Variants in POU6F2 observed in about 807,000 individuals in gnomAD.
POU6F2 encodes the protein POU class 6 homeobox 2.
Under a neutral mutation model 71.3 loss-of-function variants are expected in POU6F2, and 31 were observed. The observed-to-expected ratio is 0.43, with a 90% CI of 0.33 to 0.59. The LOEUF (loss-of-function observed/expected upper bound fraction) is 0.59. Ranked by LOEUF, POU6F2 falls within the 20% of genes least tolerant of loss-of-function variation. The pLI is 0.04. For synonymous variants in POU6F2, 347 were observed against 355.7 expected (o/e 0.98, Z 0.27); for missense variants, 783 against 856.8 (o/e 0.91, Z 1.07).
At chr7:39,019,408 G>A (rs765929866) in intron 1 of POU6F2, among the ~76,000 whole-genome samples, 15 of 152,060 alleles carry the variant, frequency 9.9e-5, no homozygotes, top group Non-Finnish European at 1.8e-4. Flanking sequence ...TTATAAGAAT[G>A]TTCTTAGATT....
chr7:39,222,168 A>G (rs1794377853), intron 4 of POU6F2, among the ~76,000 whole-genome samples: 1 of 152,226 alleles, frequency 6.6e-6, no homozygotes, highest in Non-Finnish European at 1.5e-5. Context: ...CATCAGACAT[A>G]TTTGCAAGGG....
At chr7:39,308,858 G>A (rs540009320) in intron 4 of POU6F2, among the ~76,000 whole-genome samples, 2 of 152,130 alleles carry the variant, frequency 1.3e-5, no homozygotes, top group African/African-American at 2.4e-5. Flanking sequence ...TTCCCCCTGC[G>A]GGTGCCAGGA....
chr7:39,025,951 A>G (rs911981816), intron 1 of POU6F2, among the ~76,000 whole-genome samples: 4 of 152,252 alleles, frequency 2.6e-5, no homozygotes, highest in Non-Finnish European at 5.9e-5. Context: ...ATATGAACAG[A>G]CACTTCTCAA....
At chr7:39,309,952 C>T (rs1350822111) in intron 4 of POU6F2, among the ~76,000 whole-genome samples, 2 of 152,116 alleles carry the variant, frequency 1.3e-5, no homozygotes, top group African/African-American at 4.8e-5. Flanking sequence ...CCTCAGTGCC[C>T]AGAGCTCCAT....
At chr7:39,244,961 A>G (rs1247216256) in intron 4 of POU6F2, among the ~76,000 whole-genome samples, 1 of 152,222 alleles carries the variant, frequency 6.6e-6, no homozygotes, top group East Asian at 1.9e-4. Flanking sequence ...TAATATTTCC[A>G]GAGGGATATG....
In POU6F2 at chr7:39,418,895, A is replaced by ATG. The variant is rs202230919; in HGVS notation, c.1113+12169_1113+12170dup. Among the ~76,000 whole-genome samples, 11 of 146,178 alleles carry ATG rather than the reference A, an allele frequency of 7.5e-5. 1 individual carries two copies. The highest frequency in any genetic ancestry group is 7.2e-3 in the Middle Eastern group (2 of 278). On this transcript the variant is annotated intron_variant, in intron 6 of 9. Transcript: ENST00000518318. The stretch of plus-strand genomic sequence containing the variant: ...ATTTCATAAATATAGTGCTCTCTTC[A>ATG]TGTGTGTGTGTGTGTATATATATAT...
At chr7:39,313,228 C>T (rs1447167551) in intron 4 of POU6F2, among the ~76,000 whole-genome samples, 1 of 152,134 alleles carries the variant, frequency 6.6e-6, no homozygotes, top group Non-Finnish European at 1.5e-5. Flanking sequence ...ATCCCCAGAC[C>T]CATCAACCCA....
chr7:39,022,898 C>T (rs185628415), intron 1 of POU6F2, among the ~76,000 whole-genome samples: 28 of 152,078 alleles, frequency 1.8e-4, no homozygotes, highest in Non-Finnish European at 3.4e-4. Flanking sequence ...AGTAGGTATA[C>T]GTCTGACATT....
intron 4 of POU6F2, among the ~76,000 whole-genome samples, chr7:39,321,428 G>T (rs1252863680): frequency 6.6e-6 from 1 of 152,206 alleles, no homozygotes; most frequent in Admixed American, 6.5e-5. Context: ...AGTGTGAAAT[G>T]ACGTGCAGTG....
chr7:39,166,104 A>G (rs909138059), intron 2 of POU6F2, among the ~76,000 whole-genome samples: 26 of 152,190 alleles, frequency 1.7e-4, no homozygotes, highest in Admixed American at 4.6e-4. Flanking sequence ...ATGTCTTGAC[A>G]TTTTCTGTGT....
intron 1 of POU6F2, among the ~76,000 whole-genome samples, chr7:39,003,249 T>C (rs1317529705): frequency 1.3e-5 from 2 of 152,152 alleles, no homozygotes; most frequent in Non-Finnish European, 1.5e-5. Flanking sequence ...TTTCTTTTTT[T>C]TTTCCTTTTT....
chr7:39,109,619 A>C (rs1791762942), intron 2 of POU6F2, among the ~76,000 whole-genome samples: 1 of 152,182 alleles, frequency 6.6e-6, no homozygotes, highest in Admixed American at 6.5e-5. Context: ...AGGATTGGTA[A>C]AAAGTATTGT....
At chr7:39,243,847 T>C (rs1402656947) in intron 4 of POU6F2, among the ~76,000 whole-genome samples, 1 of 152,178 alleles carries the variant, frequency 6.6e-6, no homozygotes, top group East Asian at 1.9e-4. Flanking sequence ...GCCCATTTTT[T>C]AAAACTAAGT....
intron 8 of POU6F2, among the ~76,000 whole-genome samples, chr7:39,457,430 G>A (rs1788830943): frequency 6.6e-6 from 1 of 152,192 alleles, no homozygotes; most frequent in Admixed American, 6.5e-5. Flanking sequence ...AGTGACAGTG[G>A]GGTAAGGAAA....
chr7:39,130,763 G>A (rs1426957983), intron 2 of POU6F2, among the ~76,000 whole-genome samples: 1 of 152,054 alleles, frequency 6.6e-6, no homozygotes, highest in Non-Finnish European at 1.5e-5. Flanking sequence ...TGCATTTTTG[G>A]ATGCTAAGTA....
intron 3 of POU6F2, among the ~76,000 whole-genome samples, chr7:39,204,827 A>AAAGTCC (rs1275361175): frequency 6.6e-6 from 1 of 152,124 alleles, no homozygotes; most frequent in African/African-American, 2.4e-5. Flanking sequence ...ATTATTTTTT[A>AAAGTCC]AAGTCCAATA....
chr7:39,350,295 G>T (rs1044050036), intron 5 of POU6F2, among the ~76,000 whole-genome samples: 1 of 151,908 alleles, frequency 6.6e-6, no homozygotes, highest in Admixed American at 6.6e-5. Context: ...TTGATGTTGT[G>T]ACTGTGGCGT....
At chr7:39,020,121 G>C (rs1789650347) in intron 1 of POU6F2, among the ~76,000 whole-genome samples, 1 of 152,112 alleles carries the variant, frequency 6.6e-6, no homozygotes, top group Admixed American at 6.6e-5. Flanking sequence ...CCCCAAAAAA[G>C]CTAGCTCCCA....
chr7:39,341,484 A>G (rs769308936), intron 5 of POU6F2, among the ~76,000 whole-genome samples: 6 of 152,142 alleles, frequency 3.9e-5, no homozygotes, highest in Non-Finnish European at 8.8e-5. Flanking sequence ...GGTGTCATCA[A>G]ATTTACAGAA....
Sources: gnomAD v4.1 joint callset for allele counts (sites outside exome capture counted in the v4.1 genomes callset) on GRCh38, gnomAD v4.1.1 for gene constraint, MANE v1.5 for transcripts, NCBI Gene and HGNC (gene_info 2026-07-23, HGNC 2026-07-21) for gene names.